SERPINB6: variants seen among roughly 807,000 people sequenced by gnomAD.
SERPINB6 encodes the protein serpin family B member 6.
A neutral mutation model predicts 26.1 loss-of-function variants in SERPINB6; 16 were observed. That is an observed-to-expected ratio of 0.61 (90% CI 0.42 to 0.93). SERPINB6 has a LOEUF of 0.93. Ranked by LOEUF, SERPINB6 falls within the 40% of genes least tolerant of loss-of-function variation. The probability of loss-of-function intolerance (pLI) is 0.00; values close to 1 mark genes in which losing one functional copy is unlikely to be tolerated. For synonymous variants in SERPINB6, 174 were observed against 176.6 expected (o/e 0.99, Z 0.11); for missense variants, 420 against 478.0 (o/e 0.88, Z 1.13).
In SERPINB6 at chr6:2,971,153, C is replaced by T. The variant is rs1012511918; in HGVS notation, c.-11+380G>A. The T allele has an allele frequency of 5.3e-5, 53 of 1,008,764 alleles. No individual in the cohort carries two copies. The African/African-American group carries it at 8.8e-4, about 17-fold the overall frequency. 62.5% of individuals were successfully genotyped at this position (1,008,764 alleles called of 1,614,324 possible). On this transcript the variant is annotated intron_variant, in intron 1 of 6. Transcript: ENST00000380539. ...GAGGCTCTGCGCCGCCCCCATCCCG[C>T]GCCGGCCGCCTCTTCCGTGGGCGCT...
Position 2,959,257 on chromosome 6 carries a change from T to A in SERPINB6, c.76A>T (p.Asn26Tyr), listed in dbSNP as rs1281844981. 10 of 1,614,060 alleles carry A rather than the reference T, an allele frequency of 6.2e-6. No individual in the cohort carries two copies. The highest frequency in any genetic ancestry group is 5.0e-5 in the Admixed American group (3 of 59,998). The change falls in exon 2 of 7, where the codon AAT becomes TAT. Residue 26 changes from asparagine to tyrosine, a missense_variant. By Grantham distance (143) the Asn-to-Tyr change is moderately radical. Coordinates refer to ENST00000380539, the MANE Select transcript of SERPINB6 (RefSeq NM_004568.6). ...LKTLGKDNSK[N>Y]VFFSPMSMSC... ...ATGCTCATGGGTGAGAAAAACACAT[T>A]CTTCGAGTTGTCTTTACCCAGCGTT...
rs1398018574 is a variant in SERPINB6, at chr6:2,967,490, A to G, written c.-11+4043T>C. On this transcript the variant is annotated intron_variant, in intron 1 of 6. Coordinates refer to ENST00000380539, the MANE Select transcript of SERPINB6 (RefSeq NM_004568.6). This position sits in a 1 kb window ranked among gnomAD's most constrained non-coding sequence, Gnocchi z 4.3. ...CTCCTGCACAGCAAAAGAAACTATC[A>G]ACAGAGTAAACAGCCAACCTACGGA... is the stretch of plus-strand genomic sequence containing the variant. 6.6e-6 allele frequency: 1 copy of G among 152,302 alleles called. No homozygotes were observed. The highest frequency in any genetic ancestry group is 1.5e-5 in the Non-Finnish European group (1 of 68,080). 9.4% of individuals were successfully genotyped at this position (152,302 alleles called of 1,614,324 possible).
intron 1 of SERPINB6, among the ~76,000 whole-genome samples, chr6:2,965,029 C>G (rs1344953139): frequency 6.6e-6 from 1 of 152,146 alleles, no homozygotes; most frequent in Admixed American, 6.5e-5. Flanking sequence ...AATCTAGAGG[C>G]CGAGGGCCCG....
intron 1 of SERPINB6, 169 bp downstream of exon 1, chr6:2,971,363 GC>G (rs1772148672): frequency 9.8e-6 from 2 of 203,922 alleles, no homozygotes; most frequent in African/African-American, 2.4e-5. Context: ...GCGCGGCCAC[GC>G]CCCATTCTCG....
chr6:2,955,329 G>GAC, intron 3 of SERPINB6, 195 bp downstream of exon 3: 1 of 632,932 alleles, frequency 1.6e-6, no homozygotes, highest in Non-Finnish European at 2.7e-6. Flanking sequence ...ATGCTGACAA[G>GAC]ACACTTCAAA....
At chr6:2,955,791 C>A in intron 2 of SERPINB6, 121 bp from the exon 3 acceptor site, 2 of 1,163,662 alleles carry the variant, frequency 1.7e-6, no homozygotes, top group South Asian at 1.3e-5. Flanking sequence ...AAAGATCTAT[C>A]CGAGGCTGGG....
Position 2,959,562 on chromosome 6 carries a change from T to C in SERPINB6, c.-10-220A>G, listed in dbSNP as rs75598547. On this transcript the variant is annotated intron_variant, in intron 1 of 6. Transcript: ENST00000380539. ...GAGTTCTATGTGAAACGCCGCCCTGTTTTGTGAGGACTCCTCCCTGCACGC... is the reference window on the plus strand; with the variant it reads ...GAGTTCTATGTGAAACGCCGCCCTGCTTTGTGAGGACTCCTCCCTGCACGC... 0.079 allele frequency: 44,844 copies of C among 567,710 alleles called. 2,029 individuals are homozygous for C. Among genetic ancestry groups the C allele is most frequent in the East Asian group, 0.16 (4,963 of 31,066 alleles). The allele number at this position is 567,710 out of a possible 1,614,324, so 35.2% of individuals were successfully genotyped here. A position where few individuals can be genotyped will look rare whatever the true frequency, so the allele number is the denominator to read the frequency against.
rs534174145 is a variant in SERPINB6 at position 2,951,404 on chromosome 6, A to T, written c.573+1640T>A. ...TCTGTCTTGGAAAAAATAAAAAATA[A>T]AAAAAAAAAATAAGCATGGCTGTGT... On this transcript the variant is annotated intron_variant, in intron 5 of 6. Coordinates refer to ENST00000380539, the MANE Select transcript of SERPINB6 (RefSeq NM_004568.6). Among the ~76,000 whole-genome samples, 1,451 of 150,076 alleles carry T rather than the reference A, an allele frequency of 9.7e-3. 35 individuals are homozygous for T. Among genetic ancestry groups the T allele is most frequent in the African/African-American group, 0.032 (1,318 of 40,876 alleles).
rs545342598 is a variant in SERPINB6, at chr6:2,955,966, C to T, written c.166-296G>A. On this transcript the variant is annotated intron_variant, in intron 2 of 6. Transcript: ENST00000380539. ...GTGGTGCGTACCTGTAACCCAGCTA[C>T]TCGGGAAGCTGAGGAAAGAGAATCG... 5.1e-5 allele frequency: 16 copies of T among 312,442 alleles called. No individual in the cohort carries two copies. The East Asian group carries it at 8.6e-4, about 17-fold the overall frequency. 19.4% of individuals were successfully genotyped at this position (312,442 alleles called of 1,614,324 possible).
At chr6:2,955,402 G>C in intron 3 of SERPINB6, 122 bp downstream of exon 3, 1 of 1,152,318 alleles carries the variant, frequency 8.7e-7, no homozygotes. Context: ...CAGGTGAAAA[G>C]AAATTACAAA....
chr6:2,954,778 T>C (rs573842710), intron 3 of SERPINB6, 69 bp from the exon 4 acceptor site: 6 of 983,954 alleles, frequency 6.1e-6, no homozygotes, highest in Non-Finnish European at 8.2e-6. Flanking sequence ...TACTTCTTCA[T>C]TGCACCAAGT....
At chr6:2,963,141 C>T (rs762718300) in intron 1 of SERPINB6, among the ~76,000 whole-genome samples, 1 of 152,006 alleles carries the variant, frequency 6.6e-6, no homozygotes, top group Non-Finnish European at 1.5e-5. Flanking sequence ...AATGGAGTAA[C>T]TGGGCTACTA....
At chr6:2,957,617 C>A (rs3799201) in intron 2 of SERPINB6, 37,300 of 152,196 alleles carry the variant, frequency 0.25, 4,958 homozygotes, top group Non-Finnish European at 0.3. Context: ...GGTGGGGGTG[C>A]TTTTGTCCAG....
intron 2 of SERPINB6, 200 bp from the exon 3 acceptor site, chr6:2,955,870 A>G (rs1013216345): frequency 9.3e-5 from 50 of 539,460 alleles, no homozygotes; most frequent in African/African-American, 8.0e-4. Flanking sequence ...TGAGGTCAGG[A>G]GTTCGAGATC....
chr6:2,948,811 G>A lies in SERPINB6; in HGVS notation c.729+103C>T, dbSNP rs575616386. The A allele has an allele frequency of 1.9e-5, 30 of 1,568,456 alleles. No individual in the cohort carries two copies. Among genetic ancestry groups the A allele is most frequent in the East Asian group, 4.5e-5 (2 of 44,666 alleles). ...TGGCAGCGTGGCTATGGTCAGCAGC[G>A]CTCCAGTGTTAAACGGCTGACCGCA... On this transcript the variant is annotated intron_variant, in intron 6 of 6. Transcript: ENST00000380539. This position sits in a 1 kb window ranked among gnomAD's most constrained non-coding sequence, Gnocchi z 5.0.
chr6:2,962,014 C>A (rs141796000), intron 1 of SERPINB6: 187 of 985,322 alleles, frequency 1.9e-4, no homozygotes, highest in Admixed American at 4.3e-4. Flanking sequence ...CCATGCACCA[C>A]GCCCAGCCTA....
chr6:2,967,041 A>C lies in SERPINB6; in HGVS notation c.-11+4492T>G. ...TGTCAAGTACAAAACTCTTAGACTGATATCATCTGGGACTTCTCACCTTTC... is the reference window on the plus strand; with the variant it reads ...TGTCAAGTACAAAACTCTTAGACTGCTATCATCTGGGACTTCTCACCTTTC... On this transcript the variant is annotated intron_variant, in intron 1 of 6. Transcript: ENST00000380539. This position sits in a 1 kb window ranked among gnomAD's most constrained non-coding sequence, Gnocchi z 4.3. The C allele has an allele frequency of 5.1e-6, 5 of 985,438 alleles. No individual in the cohort carries two copies. Among genetic ancestry groups the C allele is most frequent in the Non-Finnish European group, 6.0e-6 (5 of 829,944 alleles). 61.0% of individuals were successfully genotyped at this position (985,438 alleles called of 1,614,324 possible).
At chr6:2,954,176 A>C (rs1770156810) in intron 4 of SERPINB6, among the ~76,000 whole-genome samples, 1 of 151,910 alleles carries the variant, frequency 6.6e-6, no homozygotes, top group Non-Finnish European at 1.5e-5. Flanking sequence ...GGCGTGACCC[A>C]GTGTCCCACA....
intron 5 of SERPINB6, among the ~76,000 whole-genome samples, chr6:2,951,904 C>T (rs1304148709): frequency 2.6e-5 from 4 of 152,218 alleles, no homozygotes; most frequent in Non-Finnish European, 4.4e-5. Flanking sequence ...CTTGTTCCTC[C>T]CCCTCCCTGC....
Sources: allele counts gnomAD v4.1 joint callset (sites outside exome capture counted in the v4.1 genomes callset), GRCh38; gene constraint gnomAD v4.1.1; non-coding constraint Gnocchi (gnomAD v3.1); transcripts MANE v1.5; gene names NCBI Gene and HGNC (gene_info 2026-07-23, HGNC 2026-07-21).